BLM: variants seen among roughly 807,000 people sequenced by gnomAD.
BLM encodes the protein recQ-like DNA helicase BLM.
Under a neutral mutation model 135.3 loss-of-function variants are expected in BLM, and 95 were observed. The observed-to-expected ratio is 0.70, with a 90% CI of 0.59 to 0.83. BLM has a LOEUF of 0.83. Among genes scored for constraint, BLM ranks in the 40% least tolerant of loss-of-function variants. The pLI is 0.00. For missense variants in BLM, 1,518 were observed against 1,663.9 expected (o/e 0.91, Z 1.53); for synonymous variants, 520 against 589.2 (o/e 0.88, Z 1.70).
At chr15:90,798,668 T>C (rs1234860757) in intron 17 of BLM, among the ~76,000 whole-genome samples, 1 of 151,768 alleles carries the variant, frequency 6.6e-6, no homozygotes, top group Admixed American at 6.6e-5. Flanking sequence ...AGAGAGACTA[T>C]TATCAGATTA....
chr15:90,765,705 A>T (rs951944955), intron 9 of BLM, among the ~76,000 whole-genome samples: 1 of 152,222 alleles, frequency 6.6e-6, no homozygotes, highest in Admixed American at 6.5e-5. Flanking sequence ...CCAGGTCGGC[A>T]TAGTTCTCTT....
At chr15:90,811,168 G>T in intron 20 of BLM, 37 bp from the exon 21 acceptor site, 2 of 1,606,966 alleles carry the variant, frequency 1.2e-6, no homozygotes, top group Non-Finnish European at 1.7e-6. Context: ...GGACCAGTGC[G>T]ACATCACCTG....
intron 2 of BLM, 129 bp downstream of exon 2, chr15:90,747,619 C>T: frequency 1.4e-6 from 1 of 712,390 alleles, no homozygotes; most frequent in African/African-American, 1.8e-5. Context: ...ATTGATTTTC[C>T]CACTTTGCCA....
chr15:90,743,564 T>A (rs1236982215), intron 1 of BLM, among the ~76,000 whole-genome samples: 1 of 152,066 alleles, frequency 6.6e-6, no homozygotes, highest in African/African-American at 2.4e-5. Flanking sequence ...GGTCTCACAG[T>A]GTTGCCCAGG....
intron 15 of BLM, among the ~76,000 whole-genome samples, chr15:90,791,843 G>T (rs138492132): frequency 0.17 from 26,008 of 151,840 alleles, 2,291 homozygotes; most frequent in Non-Finnish European, 0.19. Context: ...TTTCACCATG[G>T]TGTCCAGGCT....
chr15:90,776,640 A>G (rs1172016047), intron 12 of BLM, among the ~76,000 whole-genome samples: 4 of 151,900 alleles, frequency 2.6e-5, no homozygotes, highest in African/African-American at 9.7e-5. Flanking sequence ...TCCTGCCTCA[A>G]CCCGCCAAGT....
intron 14 of BLM, 64 bp downstream of exon 14, chr15:90,785,145 A>T (rs991175706): frequency 3.4e-5 from 52 of 1,515,724 alleles, no homozygotes; most frequent in Non-Finnish European, 4.6e-5. Flanking sequence ...CCAAACATGC[A>T]CATGTAGAAT....
At chr15:90,742,861 C>T (rs1895403767) in intron 1 of BLM, among the ~76,000 whole-genome samples, 3 of 152,022 alleles carry the variant, frequency 2.0e-5, no homozygotes, top group Admixed American at 2.0e-4. Flanking sequence ...CTCTGCAGCT[C>T]CTGGGCTCAA....
intron 6 of BLM, 122 bp downstream of exon 6, chr15:90,760,401 T>C: frequency 7.3e-7 from 1 of 1,376,690 alleles, no homozygotes. Context: ...ATGATCATCA[T>C]GCCACTATGT....
intron 10 of BLM, among the ~76,000 whole-genome samples, chr15:90,768,195 G>A (rs1896191046): frequency 1.3e-5 from 2 of 151,970 alleles, no homozygotes; most frequent in Admixed American, 1.3e-4. Context: ...TGCCCACCTC[G>A]GCCTCCCAAA....
intron 5 of BLM, chr15:90,755,295 G>A (rs1895788289): frequency 3.4e-6 from 1 of 291,104 alleles, no homozygotes. Flanking sequence ...ACCACAGAGC[G>A]TAATCTCATC....
intron 8 of BLM, among the ~76,000 whole-genome samples, chr15:90,763,813 A>G (rs1000666166): frequency 2.0e-5 from 3 of 152,242 alleles, no homozygotes; most frequent in African/African-American, 4.8e-5. Context: ...AATGATTTAT[A>G]GTCATTCACA....
At chr15:90,785,810 G>A (rs1896732392) in intron 14 of BLM, among the ~76,000 whole-genome samples, 1 of 151,874 alleles carries the variant, frequency 6.6e-6, no homozygotes, top group African/African-American at 2.4e-5. Flanking sequence ...TGGGATTATA[G>A]GCATGAGCCA....
At chr15:90,790,920 A>T (rs1478405695) in intron 15 of BLM, 76 bp downstream of exon 15, 3 of 1,408,626 alleles carry the variant, frequency 2.1e-6, no homozygotes, top group East Asian at 2.3e-5. Flanking sequence ...CTATTGTGGT[A>T]CTTCTGGTCC....
In BLM at chr15:90,815,090, G is replaced by A. The variant is rs1428332272; in HGVS notation, c.4077-12G>A. On this transcript the variant is annotated splice_polypyrimidine_tract_variant and intron_variant, in intron 21 of 21. Transcript: ENST00000355112. This position sits in a 1 kb window ranked among gnomAD's most constrained non-coding sequence, Gnocchi z 4.6. Reference sequence around the variant, plus strand: ...ATTTAACATTTTGATTTTTTTCTTTGTCACATTTCAGGGGGTCTGCCACAT... The same window carrying A: ...ATTTAACATTTTGATTTTTTTCTTTATCACATTTCAGGGGGTCTGCCACAT... 1 of 1,613,176 alleles carries A rather than the reference G, an allele frequency of 6.2e-7. No homozygotes were observed. The highest frequency in any genetic ancestry group is 2.2e-5 in the East Asian group (1 of 44,856).
intron 17 of BLM, among the ~76,000 whole-genome samples, chr15:90,798,674 G>T (rs1182080999): frequency 6.7e-6 from 1 of 148,272 alleles, no homozygotes; most frequent in East Asian, 2.0e-4. Flanking sequence ...ACTATTATCA[G>T]ATTAGTGCCT....
intron 1 of BLM, among the ~76,000 whole-genome samples, chr15:90,734,696 C>CAG (rs60051515): frequency 0.012 from 1,713 of 146,182 alleles, 14 homozygotes; most frequent in Non-Finnish European, 0.016. Flanking sequence ...CACACACACG[C>CAG]AGAGAGAGAG....
intron 1 of BLM, among the ~76,000 whole-genome samples, chr15:90,740,516 A>G (rs575439989): frequency 1.3e-5 from 2 of 152,288 alleles, no homozygotes; most frequent in East Asian, 1.9e-4. Context: ...GAATTTGGCT[A>G]TTGTGAATAA....
At chr15:90,762,331 C>T (rs925524822) in intron 7 of BLM, 5 of 152,590 alleles carry the variant, frequency 3.3e-5, no homozygotes, top group Non-Finnish European at 5.9e-5. Context: ...AAAACTGTGA[C>T]ACCAGTAACA....
Sources: gnomAD v4.1 joint callset for allele counts (sites outside exome capture counted in the v4.1 genomes callset) on GRCh38, gnomAD v4.1.1 for gene constraint, Gnocchi (gnomAD v3.1) non-coding constraint, MANE v1.5 for transcripts, NCBI Gene and HGNC (gene_info 2026-07-23, HGNC 2026-07-21) for gene names.